CR1: variants seen among roughly 807,000 people sequenced by gnomAD.
CR1 encodes the protein complement receptor type 1.
CR1 carries 116 observed loss-of-function variants against 187.3 expected under a neutral mutation model. The observed-to-expected ratio is 0.62, with a 90% CI of 0.53 to 0.72. CR1 has a LOEUF of 0.72. Among genes scored for constraint, CR1 ranks in the 30% least tolerant of loss-of-function variants. The pLI, the probability that CR1 is intolerant of heterozygous loss-of-function variation, is 0.00. For synonymous variants in CR1, 576 were observed against 747.1 expected, an observed-to-expected ratio of 0.77 and a Z score of 3.73; for missense variants, 1,731 against 2,110.7, an observed-to-expected ratio of 0.82 and a Z score of 3.52.
intron 35 of CR1, among the ~76,000 whole-genome samples, chr1:207,602,949 C>T (rs1296833297): frequency 2.0e-5 from 3 of 151,834 alleles, no homozygotes; most frequent in Non-Finnish European, 4.4e-5. Flanking sequence ...ATATATAGGA[C>T]TTATAAGCAG....
In CR1 at chr1:207,630,399, A is replaced by G. The variant is rs150585675; in HGVS notation, c.7353-118A>G. On this transcript the variant is annotated intron_variant, in intron 45 of 46. Coordinates refer to ENST00000367049, the MANE Select transcript of CR1 (RefSeq NM_000651.6). ...TTTTCCTTTCAGACGTCTTGCAAAG[A>G]TATCAGGAACTTAAGGCAAATAATA... 1,630 of 599,194 alleles carry G rather than the reference A, an allele frequency of 2.7e-3. 26 individuals are homozygous for G. The African/African-American group carries it at 0.027, about 10-fold the overall frequency. The allele number at this position is 599,194 out of a possible 1,614,324, so 37.1% of individuals were successfully genotyped here.
intron 40 of CR1, among the ~76,000 whole-genome samples, 158 bp downstream of exon 40, chr1:207,614,647 G>C (rs1381628533): frequency 5.9e-5 from 9 of 152,058 alleles, no homozygotes; most frequent in Admixed American, 5.9e-4. Flanking sequence ...GGTCTTGTAG[G>C]TCTTCTCTGA....
intron 46 of CR1, among the ~76,000 whole-genome samples, chr1:207,631,164 T>C (rs12073887): frequency 1.4e-3 from 211 of 152,352 alleles, no homozygotes; most frequent in African/African-American, 4.5e-3. Flanking sequence ...GCAGGCTTAC[T>C]GCAAGCTGTT....
intron 3 of CR1, among the ~76,000 whole-genome samples, chr1:207,508,236 T>C (rs1248213641): frequency 6.6e-6 from 1 of 152,220 alleles, no homozygotes; most frequent in Non-Finnish European, 1.5e-5. Flanking sequence ...ATAATAAATT[T>C]ATCCGAAGTC....
At position 207,613,095 on chromosome 1, in the gene CR1, T is replaced by C. The variant is rs193084668; in HGVS notation, c.6575+1054T>C. Among the ~76,000 whole-genome samples, 1,082 of 152,284 alleles carry C rather than the reference T, an allele frequency of 7.1e-3. 8 individuals carry two copies. The highest frequency in any genetic ancestry group is 0.024 in the Middle Eastern group (7 of 294). Reference sequence around the variant, plus strand: ...ACAGTGTTACAGGCTTCTTTGTACCTGCGTTTGGTGGGTCCTGAGTTGTTG... The same window carrying C: ...ACAGTGTTACAGGCTTCTTTGTACCCGCGTTTGGTGGGTCCTGAGTTGTTG... On this transcript the variant is annotated intron_variant, in intron 39 of 46. Coordinates refer to ENST00000367049, the MANE Select transcript of CR1 (RefSeq NM_000651.6).
At chr1:207,575,569 A>T in intron 27 of CR1, 26 bp from the exon 28 acceptor site, 2 of 1,611,808 alleles carry the variant, frequency 1.2e-6, no homozygotes, top group Non-Finnish European at 1.7e-6. Flanking sequence ...TGTACAGGAC[A>T]ATGATTTTCC....
chr1:207,567,521 G>A (rs1660539532), intron 24 of CR1, among the ~76,000 whole-genome samples: 2 of 150,326 alleles, frequency 1.3e-5, no homozygotes, highest in Non-Finnish European at 1.5e-5. Context: ...TTGACTAAAT[G>A]AATAAATAAC....
intron 5 of CR1, among the ~76,000 whole-genome samples, chr1:207,524,306 G>C (rs1660098244): frequency 6.6e-6 from 1 of 151,964 alleles, no homozygotes; most frequent in Non-Finnish European, 1.5e-5. Flanking sequence ...CCTCTGGCCG[G>C]GCACTATAAT....
At chr1:207,595,412 A>G (rs1213077802) in intron 35 of CR1, among the ~76,000 whole-genome samples, 3 of 152,184 alleles carry the variant, frequency 2.0e-5, no homozygotes, top group African/African-American at 7.2e-5. Context: ...AAGATTAACA[A>G]CAATGGGCCC....
chr1:207,572,287 T>A (rs1412499538), intron 27 of CR1, among the ~76,000 whole-genome samples: 1 of 148,214 alleles, frequency 6.7e-6, no homozygotes, highest in African/African-American at 2.6e-5. Context: ...GAAAAATCTT[T>A]TGTGAAAGGA....
Position 207,630,617 on chromosome 1 carries a change from A to G in CR1, c.7453A>G (p.Ser2485Gly), listed in dbSNP as rs1462538290. ...PRTLQTNEENSRVLP is the reference protein window; with the variant it reads ...PRTLQTNEENGRVLP ...AACTCTGCAAACAAATGAAGAAAAT[A>G]GCAGGTACCTATATACATACTGAAT... Residue 2485 changes from serine to glycine, a missense_variant, in exon 46 of 47, where the codon AGC becomes GGC. Ser to Gly is a moderately conservative substitution (Grantham distance 56). Around this residue, in one of 5 missense-constraint regions of CR1, gnomAD observed 1,312 missense variants for 1,379.6 expected, o/e 0.95. Coordinates refer to ENST00000367049, the MANE Select transcript of CR1 (RefSeq NM_000651.6). 5 of 1,593,096 alleles carry G rather than the reference A, an allele frequency of 3.1e-6. No individual in the cohort carries two copies. Among genetic ancestry groups the G allele is most frequent in the East Asian group, 2.2e-5 (1 of 44,610 alleles).
At chr1:207,600,481 CA>C (rs1427554996) in intron 35 of CR1, 2 of 151,996 alleles carry the variant, frequency 1.3e-5, no homozygotes, top group Non-Finnish European at 2.9e-5. Flanking sequence ...TAGAAGAAAT[CA>C]AAATGGGTAT....
rs1287596712 is a variant in CR1, at chr1:207,609,526, G to A, written c.6133G>A (p.Glu2045Lys). Reference protein sequence around the residue: ...CISTNKCTAPEVENAIRVPGN... With the variant: ...CISTNKCTAPKVENAIRVPGN... Reference sequence around the variant, plus strand: ...TTCTACTAATAAATGCACAGCTCCAGAAGTTGAAAATGCAATTAGAGTACC... The same window carrying A: ...TTCTACTAATAAATGCACAGCTCCAAAAGTTGAAAATGCAATTAGAGTACC... The change falls in exon 37 of 47, where the codon GAA becomes AAA. Residue 2045 changes from glutamate to lysine, a missense_variant. Physicochemically the swap from Glu to Lys is moderately conservative, Grantham distance 56. Around this residue, in one of 5 missense-constraint regions of CR1, gnomAD observed 1,312 missense variants for 1,379.6 expected, o/e 0.95. Transcript: ENST00000367049. 6.2e-7 allele frequency: 1 copy of A among 1,613,970 alleles called. No homozygotes were observed. Among genetic ancestry groups the A allele is most frequent in the South Asian group, 1.1e-5 (1 of 91,074 alleles).
At chr1:207,501,684 C>A (rs2102331577) in intron 1 of CR1, among the ~76,000 whole-genome samples, 1 of 152,270 alleles carries the variant, frequency 6.6e-6, no homozygotes, top group African/African-American at 2.4e-5. Context: ...AAGAATGGTT[C>A]ATTCAATTTG....
intron 37 of CR1, among the ~76,000 whole-genome samples, chr1:207,610,663 C>T (rs1397599137): frequency 1.3e-5 from 2 of 152,126 alleles, no homozygotes; most frequent in African/African-American, 4.8e-5. Flanking sequence ...GAGAACACAC[C>T]AATTGTCCTG....
intron 5 of CR1, among the ~76,000 whole-genome samples, chr1:207,524,954 A>G (rs1660122183): frequency 6.6e-6 from 1 of 152,078 alleles, no homozygotes; most frequent in Non-Finnish European, 1.5e-5. Flanking sequence ...CTTGACTCAG[A>G]GTTCTGTAGG....
chr1:207,601,294 T>C (rs1202339579), intron 35 of CR1, among the ~76,000 whole-genome samples: 1 of 152,128 alleles, frequency 6.6e-6, no homozygotes, highest in Non-Finnish European at 1.5e-5. Context: ...TTCTCTATTC[T>C]AATAAAATTA....
In CR1 at chr1:207,618,169, G is replaced by T; in HGVS notation, c.6988G>T (p.Gly2330Cys). 1 of 1,613,808 alleles carries T rather than the reference G, an allele frequency of 6.2e-7. No individual in the cohort carries two copies. The highest frequency in any genetic ancestry group is 8.5e-7 in the Non-Finnish European group (1 of 1,179,794). Reference sequence around the variant, plus strand: ...GACAATCAGCTACATTTGTGACCCCGGCTACCTGTTAGTGGGAAAGGGCTT... The same window carrying T: ...GACAATCAGCTACATTTGTGACCCCTGCTACCTGTTAGTGGGAAAGGGCTT... ...GMTISYICDP[G>C]YLLVGKGFIF... is the part of the protein sequence containing the mutation. The change falls in exon 42 of 47, where the codon GGC becomes TGC. Residue 2330 changes from glycine (G) to cysteine (C), a missense_variant. Gly to Cys is a radical substitution (Grantham distance 159, BLOSUM62 -3). Coordinates refer to ENST00000367049, the MANE Select transcript of CR1 (RefSeq NM_000651.6).
chr1:207,512,103 T>G (rs1486652258), intron 4 of CR1, among the ~76,000 whole-genome samples: 1 of 152,222 alleles, frequency 6.6e-6, no homozygotes, highest in Non-Finnish European at 1.5e-5. Context: ...GAACATATAT[T>G]TTAACCTACT....
Sources: gnomAD v4.1 joint callset for allele counts (sites outside exome capture counted in the v4.1 genomes callset) on GRCh38, gnomAD v4.1.1 for gene constraint, gnomAD v4.1.1 regional missense constraint, MANE v1.5 for transcripts, NCBI Gene and HGNC (gene_info 2026-07-23, HGNC 2026-07-21) for gene names.